TUSC3: variants seen among roughly 807,000 people sequenced by gnomAD.
TUSC3 encodes tumor suppressor candidate 3.
A neutral mutation model predicts 44.8 loss-of-function variants in TUSC3; 45 were observed. The ratio of observed to expected loss-of-function variants is 1.00; its 90% CI spans 0.79 to 1.29. The LOEUF (loss-of-function observed/expected upper bound fraction) is 1.29, where lower values mean the gene tolerates loss of function less well. TUSC3 is among the 50% of genes most tolerant of loss of function. TUSC3 has a pLI of 0.00. For missense variants in TUSC3, 519 were observed against 437.9 expected (o/e 1.19, Z -1.65); for synonymous variants, 212 against 152.9 (o/e 1.39, Z -2.85).
chr8:15,792,746 G>C, the TUSC3 span, among the ~76,000 whole-genome samples: 1 of 152,012 alleles, frequency 6.6e-6, no homozygotes, highest in African/African-American at 2.4e-5. Context: ...TCCTCGAGTA[G>C]CTGGGATTAC....
At position 15,473,305 on chromosome 8, in the gene TUSC3, A is replaced by G. The variant is rs561192458; in HGVS notation, n.92-10081A>G. Among the ~76,000 whole-genome samples, 15 of 152,328 alleles carry G rather than the reference A, an allele frequency of 9.8e-5. No individual in the cohort carries two copies. The South Asian group carries it at 2.7e-3, about 27-fold the overall frequency. ...AGGGGTACAACCTTGTGTGTTTACAACACTGCAACAAAAAAATTTCAATTC... is the reference window on the plus strand; with the variant it reads ...AGGGGTACAACCTTGTGTGTTTACAGCACTGCAACAAAAAAATTTCAATTC... On this transcript the variant is annotated intron_variant and non_coding_transcript_variant, in intron 1 of 5. Coordinates refer to the TUSC3 transcript ENST00000503191.
chr8:15,525,041 G>A (rs1218112217), intron 2 of TUSC3, among the ~76,000 whole-genome samples: 1 of 152,172 alleles, frequency 6.6e-6, no homozygotes, highest in East Asian at 1.9e-4. Flanking sequence ...CAACTGTTGA[G>A]ACTAACTCTC....
At chr8:15,601,970 A>T (rs949470264) in intron 1 of TUSC3, among the ~76,000 whole-genome samples, 8 of 151,296 alleles carry the variant, frequency 5.3e-5, no homozygotes, top group African/African-American at 1.7e-4. Context: ...ATTTATTTGT[A>T]CATTATAATT....
chr8:15,516,198 G>A (rs1801214359), intron 2 of TUSC3, among the ~76,000 whole-genome samples: 1 of 152,072 alleles, frequency 6.6e-6, no homozygotes, highest in Non-Finnish European at 1.5e-5. Context: ...ACTGATCTTA[G>A]AATTGACATA....
At chr8:15,423,216 A>G (rs947403096) in intron 1 of TUSC3, among the ~76,000 whole-genome samples, 1 of 152,308 alleles carries the variant, frequency 6.6e-6, no homozygotes, top group Non-Finnish European at 1.5e-5. Flanking sequence ...TGGTACAGAC[A>G]CACATAGATC....
At chr8:15,439,205 C>G (rs7838720) in intron 1 of TUSC3, among the ~76,000 whole-genome samples, 24,721 of 152,156 alleles carry the variant, frequency 0.16, 2,084 homozygotes, top group Middle Eastern at 0.22. Context: ...TGGTAGCCAG[C>G]GACCCAGGAA....
chr8:15,540,720 G>A (rs1011387543), intron 1 of TUSC3, 152 bp downstream of exon 1: 6 of 1,134,290 alleles, frequency 5.3e-6, no homozygotes, highest in Admixed American at 3.5e-5. Context: ...GGGAGGCCCT[G>A]GGGCGTTTCC....
intron 1 of TUSC3, among the ~76,000 whole-genome samples, chr8:15,437,427 A>T (rs1330826183): frequency 6.6e-6 from 1 of 152,106 alleles, no homozygotes; most frequent in East Asian, 1.9e-4. Context: ...CCAGAAAGAG[A>T]TTCGTGATTT....
At chr8:15,517,453 C>G (rs997172835) in intron 2 of TUSC3, among the ~76,000 whole-genome samples, 11 of 139,374 alleles carry the variant, frequency 7.9e-5, no homozygotes, top group Admixed American at 7.9e-5. Flanking sequence ...TATACACCTA[C>G]TAGGGAGATG....
chr8:15,542,329 G>A (rs1357865173), intron 1 of TUSC3, among the ~76,000 whole-genome samples: 3 of 152,060 alleles, frequency 2.0e-5, no homozygotes, highest in African/African-American at 7.2e-5. Context: ...AGAGAGAATA[G>A]ATTGTAAATG....
At chr8:15,627,887 G>A (rs1805587690) in intron 2 of TUSC3, among the ~76,000 whole-genome samples, 1 of 152,222 alleles carries the variant, frequency 6.6e-6, no homozygotes, top group South Asian at 2.1e-4. Flanking sequence ...CGGGAGCTGA[G>A]TGGAGACTGC....
chr8:15,433,366 T>A (rs1799901539), intron 1 of TUSC3, among the ~76,000 whole-genome samples: 1 of 152,206 alleles, frequency 6.6e-6, no homozygotes, highest in African/African-American at 2.4e-5. Flanking sequence ...AAAATTTTTC[T>A]TCTTAAAATA....
At position 15,764,373 on chromosome 8, in the gene TUSC3, C is replaced by CT; in HGVS notation, c.*217_*218insT. 2.7e-6 allele frequency: 2 copies of CT among 747,396 alleles called. No individual in the cohort carries two copies. Among genetic ancestry groups the CT allele is most frequent in the Non-Finnish European group, 4.3e-6 (2 of 461,706 alleles). The allele number at this position is 747,396 out of a possible 1,614,324, so 46.3% of individuals were successfully genotyped here. On this transcript the variant is annotated 3_prime_UTR_variant, in exon 11 of 11. Coordinates refer to ENST00000503731, the MANE Select transcript of TUSC3 (RefSeq NM_006765.4). Reference sequence around the variant, plus strand: ...GGGTTTTCCTAGTAAATTTAATTTACAGAAATCAATGGTAGCATTTAGTAA... The same window carrying CT: ...GGGTTTTCCTAGTAAATTTAATTTACTAGAAATCAATGGTAGCATTTAGTAA...
upstream of TUSC3, among the ~76,000 whole-genome samples, chr8:15,535,937 G>T (rs139504688): frequency 6.6e-6 from 1 of 152,154 alleles, no homozygotes; most frequent in Non-Finnish European, 1.5e-5. Context: ...AACCCAGGAC[G>T]GCCTTGAATG....
At chr8:15,574,616 T>C (rs191888568) in intron 1 of TUSC3, among the ~76,000 whole-genome samples, 26 of 152,282 alleles carry the variant, frequency 1.7e-4, no homozygotes, top group Non-Finnish European at 3.5e-4. Flanking sequence ...GTTGGTAATT[T>C]TTCTGATAAC....
At chr8:15,476,423 T>G (rs1245847511) in intron 1 of TUSC3, among the ~76,000 whole-genome samples, 1 of 152,214 alleles carries the variant, frequency 6.6e-6, no homozygotes, top group South Asian at 2.1e-4. Flanking sequence ...ACTAATGTAA[T>G]TTTTTCTAAG....
At chr8:15,730,457 C>G (rs567987722) in intron 6 of TUSC3, among the ~76,000 whole-genome samples, 1 of 152,086 alleles carries the variant, frequency 6.6e-6, no homozygotes, top group South Asian at 2.1e-4. Flanking sequence ...TAGTTGCCAC[C>G]TAGAGTTTAC....
chr8:15,508,422 A>G (rs944842774), intron 2 of TUSC3, among the ~76,000 whole-genome samples: 1 of 147,842 alleles, frequency 6.8e-6, no homozygotes, highest in Non-Finnish European at 1.5e-5. Flanking sequence ...ATAAATGTCT[A>G]GGTAACTTTG....
At chr8:15,827,609 A>G in the TUSC3 span, among the ~76,000 whole-genome samples, 1 of 152,170 alleles carries the variant, frequency 6.6e-6, no homozygotes, top group Non-Finnish European at 1.5e-5. Context: ...CTAAGGACTC[A>G]TGATTTTAAG....
Sources: allele counts gnomAD v4.1 joint callset (sites outside exome capture counted in the v4.1 genomes callset), GRCh38; gene constraint gnomAD v4.1.1; transcripts MANE v1.5; gene names NCBI Gene and HGNC (gene_info 2026-07-23, HGNC 2026-07-21).